The following ZNF423 variants were observed in gnomAD, a reference collection of about 807,000 sequenced individuals.
ZNF423 encodes Ebf-associated zinc finger protein.
In ZNF423, 12 loss-of-function variants were observed where a neutral mutation model predicts 95.8. The observed-to-expected ratio is 0.13, with a 90% CI of 0.08 to 0.20. The LOEUF is 0.20. Among genes scored for constraint, ZNF423 ranks in the 10% least tolerant of loss-of-function variants. The pLI, the probability that ZNF423 is intolerant of heterozygous loss-of-function variation, is 1.00. For missense variants in ZNF423, 1,316 were observed against 1,737.1 expected (o/e 0.76, Z 4.31); for synonymous variants, 749 against 711.9 (o/e 1.05, Z -0.83).
chr16:49,742,177 G>A (rs1029524315), intron 2 of ZNF423, among the ~76,000 whole-genome samples: 3 of 152,134 alleles, frequency 2.0e-5, no homozygotes, highest in African/African-American at 4.8e-5. Flanking sequence ...ATACATGCAC[G>A]AATGAATGAC....
At chr16:49,853,939 A>C in intron 1 of ZNF423, 1 of 985,448 alleles carries the variant, frequency 1.0e-6, no homozygotes, top group Non-Finnish European at 1.2e-6. Flanking sequence ...CTGTTTTTCC[A>C]ACCAGAAATT....
At chr16:49,716,749 C>T (rs886101883) in intron 3 of ZNF423, among the ~76,000 whole-genome samples, 1 of 152,156 alleles carries the variant, frequency 6.6e-6, no homozygotes, top group Admixed American at 6.5e-5. Flanking sequence ...TCCTCCTGAT[C>T]GCCCCTCTGA....
intron 3 of ZNF423, among the ~76,000 whole-genome samples, chr16:49,723,982 C>T (rs1311463965): frequency 6.6e-6 from 1 of 152,260 alleles, no homozygotes. Flanking sequence ...AAGATTCCTT[C>T]TGATGCCTGC....
In ZNF423 at chr16:49,844,074, G is replaced by A. The variant is rs187597745; in HGVS notation, c.40+11661C>T. Among the ~76,000 whole-genome samples, 46 of 151,000 alleles carry A rather than the reference G, an allele frequency of 3.0e-4. 1 individual carries two copies. In the East Asian group the frequency reaches 8.4e-3, roughly 28 times the overall value. On this transcript the variant is annotated intron_variant, in intron 1 of 7. Transcript: ENST00000563137. ...TCTGAAAGCCCGAGGTGGGAGAATC[G>A]TTTGAGACCAGGCTAAACAACACAT...
intron 1 of ZNF423, among the ~76,000 whole-genome samples, chr16:49,837,022 G>A (rs2035127607): frequency 6.6e-6 from 1 of 152,222 alleles, no homozygotes; most frequent in African/African-American, 2.4e-5. Context: ...AGTGGACTGT[G>A]GACGCCGGGA....
intron 3 of ZNF423, among the ~76,000 whole-genome samples, chr16:49,645,226 G>A (rs1398931189): frequency 6.6e-6 from 1 of 152,166 alleles, no homozygotes; most frequent in African/African-American, 2.4e-5. Flanking sequence ...AGAGCTCCAA[G>A]AATAGGAATC....
intron 2 of ZNF423, among the ~76,000 whole-genome samples, chr16:49,753,271 C>T (rs954797438): frequency 6.6e-5 from 10 of 151,342 alleles, no homozygotes; most frequent in Non-Finnish European, 1.3e-4. Context: ...ATCAGAAAAT[C>T]TCAGGGGGTG....
intron 1 of ZNF423, among the ~76,000 whole-genome samples, chr16:49,795,119 G>A (rs1392264691): frequency 6.6e-6 from 1 of 152,152 alleles, no homozygotes; most frequent in African/African-American, 2.4e-5. Flanking sequence ...TTATCCACCT[G>A]CCTCAGCCTC....
intron 3 of ZNF423, among the ~76,000 whole-genome samples, chr16:49,648,033 G>A: frequency 6.6e-6 from 1 of 152,268 alleles, no homozygotes; most frequent in East Asian, 1.9e-4. Context: ...TAATGACTCT[G>A]TTAATAAAGA....
chr16:49,709,193 G>T, intron 3 of ZNF423, among the ~76,000 whole-genome samples: 1 of 93,674 alleles, frequency 1.1e-5, no homozygotes. Context: ...TGAAAACGGA[G>T]CTTCGGAGCC....
intron 7 of ZNF423, among the ~76,000 whole-genome samples, chr16:49,504,178 T>C (rs983285903): frequency 2.0e-5 from 3 of 152,110 alleles, no homozygotes; most frequent in Non-Finnish European, 4.4e-5. Flanking sequence ...TAGATGGTGG[T>C]GATGATTGCA....
intron 5 of ZNF423, among the ~76,000 whole-genome samples, chr16:49,578,575 G>A (rs147951428): frequency 2.6e-5 from 4 of 152,208 alleles, no homozygotes; most frequent in Non-Finnish European, 5.9e-5. Flanking sequence ...CTCGCCTCTC[G>A]CCCTCTCCTT....
chr16:49,734,196 G>A (rs1458600741), intron 2 of ZNF423, among the ~76,000 whole-genome samples: 2 of 152,152 alleles, frequency 1.3e-5, no homozygotes, highest in African/African-American at 4.8e-5. Flanking sequence ...AGTAAGTCCT[G>A]GGGATGGAAT....
At chr16:49,645,946 C>A (rs1973155815) in intron 3 of ZNF423, among the ~76,000 whole-genome samples, 1 of 152,218 alleles carries the variant, frequency 6.6e-6, no homozygotes, top group Non-Finnish European at 1.5e-5. Flanking sequence ...GAGGCCTTCC[C>A]AGCCATGCAC....
chr16:49,705,424 T>C (rs913634573), intron 3 of ZNF423, among the ~76,000 whole-genome samples: 3 of 152,322 alleles, frequency 2.0e-5, no homozygotes, highest in South Asian at 2.1e-4. Context: ...ACAAAGCAGA[T>C]TGCAGAACAA....
intron 3 of ZNF423, among the ~76,000 whole-genome samples, chr16:49,658,651 C>A (rs1246032402): frequency 3.3e-5 from 5 of 152,234 alleles, no homozygotes; most frequent in Non-Finnish European, 7.3e-5. Context: ...AGAGAGGCAG[C>A]CACCTGGCCC....
At chr16:49,576,147 T>C (rs992809242) in intron 5 of ZNF423, among the ~76,000 whole-genome samples, 3 of 152,180 alleles carry the variant, frequency 2.0e-5, no homozygotes. Context: ...CTGGAGGAAA[T>C]TGCCAGAACC....
At chr16:49,844,862 T>G (rs7192018) in intron 1 of ZNF423, among the ~76,000 whole-genome samples, 1 of 151,400 alleles carries the variant, frequency 6.6e-6, no homozygotes, top group African/African-American at 2.4e-5. Context: ...ATGGAGAAAC[T>G]CTGTCTCTAC....
Position 49,855,235 on chromosome 16 carries a change from G to C in ZNF423, c.40+500C>G, listed in dbSNP as rs1430077319. 6.6e-6 allele frequency among the ~76,000 whole-genome samples: 1 copy of C among 150,896 alleles called. No individual in the cohort carries two copies. The highest frequency in any genetic ancestry group is 1.5e-5 in the Non-Finnish European group (1 of 67,622). ...CCCGCGTCCTCGGGCGACCAGGCAG[G>C]GGCCAGAGAGAGCCAGCGAGGCCCG... On this transcript the variant is annotated intron_variant, in intron 1 of 7. Transcript: ENST00000563137. This position sits in a 1 kb window ranked among gnomAD's most constrained non-coding sequence, Gnocchi z 4.7.
Sources: allele counts gnomAD v4.1 joint callset (sites outside exome capture counted in the v4.1 genomes callset), GRCh38; gene constraint gnomAD v4.1.1; non-coding constraint Gnocchi (gnomAD v3.1); transcripts MANE v1.5; gene names NCBI Gene and HGNC (gene_info 2026-07-23, HGNC 2026-07-21).